DMTN: variants seen among roughly 807,000 people sequenced by gnomAD.
The protein encoded by DMTN is dematin actin binding protein, also known as dematin.
A neutral mutation model predicts 59.4 loss-of-function variants in DMTN; 27 were observed. The observed-to-expected ratio is 0.45, with a 90% CI of 0.33 to 0.63. The LOEUF (loss-of-function observed/expected upper bound fraction) is 0.63, where lower values mean the gene tolerates loss of function less well. DMTN is among the 20% of genes least tolerant of loss of function. The pLI is 0.02. For missense variants in DMTN, 451 were observed against 528.9 expected (o/e 0.85, Z 1.45); for synonymous variants, 221 against 203.7 (o/e 1.08, Z -0.72).
chr8:22,069,079 T>A lies in DMTN; in HGVS notation c.294+19T>A, dbSNP rs749968855. 26 of 1,608,056 alleles carry A rather than the reference T, an allele frequency of 1.6e-5. No homozygotes were observed. Among genetic ancestry groups the A allele is most frequent in the African/African-American group, 2.7e-5 (2 of 74,450 alleles). ...CCCAGAGGTGAGTCTGCCCCACACCTGCAACTTGCCCTGCCCTGCCCTGAA... is the reference window on the plus strand; with the variant it reads ...CCCAGAGGTGAGTCTGCCCCACACCAGCAACTTGCCCTGCCCTGCCCTGAA... On this transcript the variant is annotated intron_variant, in intron 5 of 15. Transcript: ENST00000358242.
chr8:22,067,366 A>T (rs549312609), intron 3 of DMTN, among the ~76,000 whole-genome samples, 161 bp from the exon 4 acceptor site: 30 of 152,332 alleles, frequency 2.0e-4, no homozygotes, highest in Admixed American at 9.8e-4. Context: ...TAGGCAAAGG[A>T]CTATCATGTT....
chr8:22,053,340 T>C (rs924364179), upstream of DMTN, among the ~76,000 whole-genome samples: 1 of 152,176 alleles, frequency 6.6e-6, no homozygotes. Flanking sequence ...CAGAGTCCAA[T>C]GCCCGGAGGC....
intron 10 of DMTN, among the ~76,000 whole-genome samples, chr8:22,076,841 G>T (rs886951159): frequency 1.3e-4 from 20 of 152,098 alleles, no homozygotes; most frequent in Non-Finnish European, 2.5e-4. Flanking sequence ...GAATGTGTGG[G>T]AGGCTGGCCT....
Position 22,067,264 on chromosome 8 carries a change from C to G in DMTN, c.93+105C>G, listed in dbSNP as rs922110593. On this transcript the variant is annotated intron_variant, in intron 3 of 15. Transcript: ENST00000358242. ...CCCGCAGAGCCTCCCCAGTGGTGGT[C>G]CCTCCGGTGCTGGCGGGCAGAGAGA... The G allele has an allele frequency of 1.4e-5, 19 of 1,332,936 alleles. No individual in the cohort carries two copies. The South Asian group carries it at 2.4e-4, about 17-fold the overall frequency. The allele number at this position is 1,332,936 out of a possible 1,614,324, so 82.6% of individuals were successfully genotyped here. A position where few individuals can be genotyped will look rare whatever the true frequency, so the allele number is the denominator to read the frequency against.
upstream of DMTN, among the ~76,000 whole-genome samples, chr8:22,052,501 T>C (rs901317122): frequency 6.6e-6 from 1 of 151,926 alleles, no homozygotes; most frequent in South Asian, 2.1e-4. Flanking sequence ...GTGTTTATTT[T>C]CCCCCCACAA....
intron 11 of DMTN, 43 bp downstream of exon 11, chr8:22,080,287 G>A (rs372575556): frequency 7.4e-6 from 12 of 1,613,784 alleles, no homozygotes; most frequent in African/African-American, 5.3e-5. Flanking sequence ...TGGGAGGAAC[G>A]TGCATGTGGG....
chr8:22,075,968 A>T (rs1034871386), intron 10 of DMTN, among the ~76,000 whole-genome samples: 45 of 152,186 alleles, frequency 3.0e-4, no homozygotes, highest in African/African-American at 1.1e-3. Context: ...GGGTCCAGAG[A>T]AGAGGGAATG....
chr8:22,054,121 CACAG>C (rs1269323809), upstream of DMTN, among the ~76,000 whole-genome samples: 2 of 151,656 alleles, frequency 1.3e-5, no homozygotes, highest in African/African-American at 4.9e-5. Context: ...CACACACACA[CACAG>C]ACACACACAC....
At position 22,058,324 on chromosome 8, in the gene DMTN, A is replaced by C. The variant is rs1803883328; in HGVS notation, c.-172+1188A>C. 6.6e-6 allele frequency among the ~76,000 whole-genome samples: 1 copy of C among 152,032 alleles called. No homozygotes were observed. The stretch of plus-strand genomic sequence containing the variant: ...GAGCTCCTGGGTGTTGTGGGACTGG[A>C]ACAGGGAGGCCCTGGGATCCAGAAA... On this transcript the variant is annotated intron_variant, in intron 1 of 15. Coordinates refer to ENST00000358242, the MANE Select transcript of DMTN (RefSeq NM_001387751.1). This position sits in a 1 kb window ranked among gnomAD's most constrained non-coding sequence, Gnocchi z 4.3.
chr8:22,081,498 C>T lies in DMTN; in HGVS notation c.*35C>T. 6.3e-7 allele frequency: 1 copy of T among 1,586,366 alleles called. No homozygotes were observed. The highest frequency in any genetic ancestry group is 8.7e-7 in the Non-Finnish European group (1 of 1,155,174). On this transcript the variant is annotated 3_prime_UTR_variant, in exon 16 of 16. Transcript: ENST00000358242. ...CCTGCTCCGGGACGGCCCCCTTACC[C>T]CTGCTGCTTCAGGGTTTTTCCCCGG...
At chr8:22,076,731 A>G (rs1820133319) in intron 10 of DMTN, among the ~76,000 whole-genome samples, 5 of 151,368 alleles carry the variant, frequency 3.3e-5, no homozygotes, top group Admixed American at 3.3e-4. Flanking sequence ...TGGGTGTCCT[A>G]TTTTTTCTTT....
At chr8:22,070,513 G>A in intron 8 of DMTN, 179 bp downstream of exon 8, 2 of 666,360 alleles carry the variant, frequency 3.0e-6, no homozygotes, top group Non-Finnish European at 4.6e-6. Context: ...TGTTCCCATA[G>A]CGCTTGGTGT....
Position 22,067,145 on chromosome 8 carries a change from C to T in DMTN, c.79C>T (p.Pro27Ser). The T allele has an allele frequency of 1.9e-6, 3 of 1,608,234 alleles. No individual in the cohort carries two copies. Among genetic ancestry groups the T allele is most frequent in the East Asian group, 2.3e-5 (1 of 43,776 alleles). The change falls in exon 3 of 16, where the codon CCC becomes TCC. Residue 27 changes from proline to serine, a missense_variant. By Grantham distance (74) the Pro-to-Ser change is moderately conservative. Coordinates refer to ENST00000358242, the MANE Select transcript of DMTN (RefSeq NM_001387751.1). ...PSRDSSVPGS[P>S]SSIVAKMDNQ... is the part of the protein sequence containing the mutation. Reference sequence around the variant, plus strand: ...CCGAGATTCCAGTGTGCCTGGCTCTCCCTCCAGCATCGTGGTGAGTACCCC... The same window carrying T: ...CCGAGATTCCAGTGTGCCTGGCTCTTCCTCCAGCATCGTGGTGAGTACCCC...
chr8:22,069,883 A>C lies in DMTN; in HGVS notation c.397A>C (p.Thr133Pro), dbSNP rs372120020. The part of the protein sequence containing the change: ...TSLPHFHHPE[T>P]SRPDSNIYKK... ...CTCATCTGTTCTTCCTCCCACAGAG[A>C]CCTCCCGCCCAGATTCCAACATCTA... is the stretch of plus-strand genomic sequence containing the variant. The change falls in exon 7 of 16, where the codon ACC becomes CCC. Residue 133 changes from threonine to proline, a missense_variant and splice_region_variant. Coordinates refer to ENST00000358242, the MANE Select transcript of DMTN (RefSeq NM_001387751.1). 1.2e-6 allele frequency: 2 copies of C among 1,613,648 alleles called. No homozygotes were observed. Among genetic ancestry groups the C allele is most frequent in the East Asian group, 4.5e-5 (2 of 44,840 alleles).
chr8:22,067,719 G>GC lies in DMTN; in HGVS notation c.249+45dup, dbSNP rs762147796. 1,116 of 1,572,338 alleles carry GC rather than the reference G, an allele frequency of 7.1e-4. 6 individuals carry two copies. Among genetic ancestry groups the GC allele is most frequent in the South Asian group, 5.5e-3 (492 of 88,850 alleles). The stretch of plus-strand genomic sequence containing the variant: ...CCTCTTGGGCAGGACTCCGGGGGAG[G>GC]CCCCCCCCAGCCACACTGGGTGGGG... On this transcript the variant is annotated intron_variant, in intron 4 of 15. Coordinates refer to ENST00000358242, the MANE Select transcript of DMTN (RefSeq NM_001387751.1).
chr8:22,064,218 A>G (rs1366450086), intron 1 of DMTN, among the ~76,000 whole-genome samples: 1 of 152,264 alleles, frequency 6.6e-6, no homozygotes, highest in Non-Finnish European at 1.5e-5. Context: ...ACATGCATGC[A>G]TGGATAAGCA....
chr8:22,070,059 C>G, intron 7 of DMTN, 122 bp downstream of exon 7: 1 of 1,536,404 alleles, frequency 6.5e-7, no homozygotes, highest in Non-Finnish European at 8.9e-7. Flanking sequence ...CACGTGTGCC[C>G]CGTGCTCAGC....
chr8:22,081,092 T>TGGGGGGGGGGG, intron 14 of DMTN, 21 bp from the exon 15 acceptor site: 305 of 1,546,438 alleles, frequency 2.0e-4, no homozygotes, highest in Non-Finnish European at 2.4e-4. Flanking sequence ...AGCCTAAGAT[T>TGGGGGGGGGGG]GCCCCTCCCC....
chr8:22,067,375 T>C, intron 3 of DMTN, 152 bp from the exon 4 acceptor site: 1 of 1,265,412 alleles, frequency 7.9e-7, no homozygotes, highest in Non-Finnish European at 1.1e-6. Context: ...GACTATCATG[T>C]TTTAAGGTGA....
Sources: gnomAD v4.1 joint callset for allele counts (sites outside exome capture counted in the v4.1 genomes callset) on GRCh38, gnomAD v4.1.1 for gene constraint, Gnocchi (gnomAD v3.1) non-coding constraint, MANE v1.5 for transcripts, NCBI Gene and HGNC (gene_info 2026-07-23, HGNC 2026-07-21) for gene names.